RELN: variants seen among roughly 807,000 people sequenced by gnomAD.
The protein encoded by RELN is reelin.
RELN carries 108 observed loss-of-function variants against 427.6 expected under a neutral mutation model. The observed-to-expected ratio is 0.25, with a 90% confidence interval of 0.22 to 0.30. The LOEUF (loss-of-function observed/expected upper bound fraction) is 0.30. Among genes scored for constraint, RELN ranks in the 10% least tolerant of loss-of-function variants. The probability of loss-of-function intolerance (pLI) is 1.00; values close to 1 mark genes in which losing one functional copy is unlikely to be tolerated. For synonymous variants in RELN, 1,524 were observed against 1,513.4 expected, an observed-to-expected ratio of 1.01 and a Z score of -0.16; for missense variants, 3,715 against 4,302.8, an observed-to-expected ratio of 0.86 and a Z score of 3.82.
intron 27 of RELN, among the ~76,000 whole-genome samples, chr7:103,592,470 C>A (rs1371464334): frequency 1.3e-5 from 2 of 151,978 alleles, no homozygotes; most frequent in Non-Finnish European, 2.9e-5. Flanking sequence ...TTGCTAGTGT[C>A]AGTAGTGGTT....
chr7:103,661,626 A>G, intron 11 of RELN, 99 bp from the exon 12 acceptor site: 1 of 1,067,094 alleles, frequency 9.4e-7, no homozygotes. Flanking sequence ...TTACTTACTT[A>G]GTAATGAATA....
intron 53 of RELN, among the ~76,000 whole-genome samples, chr7:103,499,690 A>ATAAT (rs1253119479): frequency 1.3e-5 from 2 of 152,234 alleles, no homozygotes; most frequent in African/African-American, 4.8e-5. Context: ...AATACGTTTT[A>ATAAT]TAATTGAAAG....
chr7:103,542,373 G>A (rs912158945), intron 43 of RELN, among the ~76,000 whole-genome samples: 42 of 152,142 alleles, frequency 2.8e-4, no homozygotes, highest in Admixed American at 2.5e-3. Context: ...TCTACATAGC[G>A]CAAGTGCTAA....
At position 103,937,759 on chromosome 7, in the gene RELN, T is replaced by G. The variant is rs1461982295; in HGVS notation, c.227-20574A>C. 4.6e-5 allele frequency among the ~76,000 whole-genome samples: 7 copies of G among 152,320 alleles called. No individual in the cohort carries two copies. The South Asian group carries it at 1.0e-3, about 23-fold the overall frequency. On this transcript the variant is annotated intron_variant, in intron 1 of 64. Transcript: ENST00000428762. ...GAGATCAGAATTCTGACATAGAGAT[T>G]AAAACAAATATGTTAAAATGGTCTC... is the stretch of plus-strand genomic sequence containing the variant.
At chr7:103,737,751 C>T (rs569014804) in intron 6 of RELN, among the ~76,000 whole-genome samples, 7 of 152,248 alleles carry the variant, frequency 4.6e-5, no homozygotes, top group African/African-American at 1.7e-4. Flanking sequence ...AGTCTGTGAT[C>T]GCTATTTCCC....
chr7:103,483,521 C>T (rs1263290426), intron 62 of RELN, 132 bp downstream of exon 62: 11 of 920,636 alleles, frequency 1.2e-5, no homozygotes, highest in Non-Finnish European at 1.8e-5. Context: ...GGTTAGTCTT[C>T]GTTCTGCCAC....
At chr7:103,920,160 A>G (rs1795580488) in intron 1 of RELN, among the ~76,000 whole-genome samples, 1 of 152,166 alleles carries the variant, frequency 6.6e-6, no homozygotes, top group African/African-American at 2.4e-5. Flanking sequence ...TTATGGTTCC[A>G]AGCTGCATAG....
chr7:103,862,326 A>G (rs1794087639), intron 2 of RELN, among the ~76,000 whole-genome samples: 1 of 152,154 alleles, frequency 6.6e-6, no homozygotes, highest in Non-Finnish European at 1.5e-5. Flanking sequence ...GGTGGATAAA[A>G]GGCAGCTGTA....
chr7:103,928,163 T>C (rs1795786933), intron 1 of RELN, among the ~76,000 whole-genome samples: 1 of 152,186 alleles, frequency 6.6e-6, no homozygotes, highest in South Asian at 2.1e-4. Flanking sequence ...AAGATATAAG[T>C]TCTAAACAAT....
At chr7:103,946,015 T>A (rs748362461) in intron 1 of RELN, among the ~76,000 whole-genome samples, 32 of 152,150 alleles carry the variant, frequency 2.1e-4, no homozygotes, top group Admixed American at 2.1e-3. Flanking sequence ...TCAGAATACA[T>A]CCCCATTGTT....
chr7:103,853,575 A>T (rs190272596), intron 2 of RELN, among the ~76,000 whole-genome samples: 1 of 152,056 alleles, frequency 6.6e-6, no homozygotes, highest in East Asian at 1.9e-4. Flanking sequence ...AAGAGAAACA[A>T]ATTTATTTTT....
At chr7:103,793,908 A>G (rs1197593956) in intron 3 of RELN, among the ~76,000 whole-genome samples, 2 of 152,046 alleles carry the variant, frequency 1.3e-5, no homozygotes, top group Non-Finnish European at 2.9e-5. Context: ...CTGGAACTAC[A>G]GGTGCACACC....
In RELN at chr7:103,802,547, G is replaced by A. The variant is rs1451715938; in HGVS notation, c.474-25920C>T. Among the ~76,000 whole-genome samples the A allele has an allele frequency of 2.0e-5, 3 of 152,084 alleles. No individual in the cohort carries two copies. The East Asian group carries it at 5.8e-4, about 29-fold the overall frequency. On this transcript the variant is annotated intron_variant, in intron 3 of 64. Coordinates refer to ENST00000428762, the MANE Select transcript of RELN (RefSeq NM_005045.4). ...TTTAAATTAATTTAAACATAAAAGT[G>A]CTGTAGAAGTCACACAAATTCAAGA...
intron 15 of RELN, 76 bp from the exon 16 acceptor site, chr7:103,650,459 G>A (rs1832891748): frequency 1.1e-6 from 1 of 934,262 alleles, no homozygotes. Context: ...TGGTTTTCAT[G>A]TTCTAGCTTC....
intron 1 of RELN, among the ~76,000 whole-genome samples, chr7:103,924,985 T>TACACACAC (rs1228074490): frequency 7.3e-6 from 1 of 137,640 alleles, no homozygotes; most frequent in African/African-American, 2.8e-5. Context: ...TGCATGCGCA[T>TACACACAC]ACACATACAC....
intron 38 of RELN, among the ~76,000 whole-genome samples, chr7:103,555,321 T>C (rs1259557277): frequency 2.0e-5 from 3 of 152,228 alleles, no homozygotes; most frequent in African/African-American, 7.2e-5. Flanking sequence ...AAAAAGGATC[T>C]GTAAACAGGA....
At chr7:103,744,831 G>A (rs1238427956) in intron 6 of RELN, among the ~76,000 whole-genome samples, 1 of 152,206 alleles carries the variant, frequency 6.6e-6, no homozygotes, top group Non-Finnish European at 1.5e-5. Flanking sequence ...AATTCTGCCA[G>A]AGGTACAAAG....
At chr7:103,897,878 C>T (rs1794996168) in intron 2 of RELN, among the ~76,000 whole-genome samples, 1 of 152,032 alleles carries the variant, frequency 6.6e-6, no homozygotes, top group Non-Finnish European at 1.5e-5. Flanking sequence ...ACCTGGCCAT[C>T]CTATTTAATA....
chr7:103,913,637 T>C (rs1795418177), intron 2 of RELN, among the ~76,000 whole-genome samples: 1 of 152,122 alleles, frequency 6.6e-6, no homozygotes, highest in Non-Finnish European at 1.5e-5. Context: ...TTTAATTTTG[T>C]TTTTAACTTG....
Sources: allele counts gnomAD v4.1 joint callset (sites outside exome capture counted in the v4.1 genomes callset), GRCh38; gene constraint gnomAD v4.1.1; transcripts MANE v1.5; gene names NCBI Gene and HGNC (gene_info 2026-07-23, HGNC 2026-07-21).